The following HSF5 variants were observed in gnomAD, a reference collection of about 807,000 sequenced individuals.
The protein encoded by HSF5 is heat shock factor protein 5.
In HSF5, 5 loss-of-function variants were observed where a neutral mutation model predicts 50.8. That is an observed-to-expected ratio of 0.10 (90% CI 0.05 to 0.21). HSF5 has a LOEUF of 0.21. HSF5 is among the 10% of genes least tolerant of loss of function. The pLI is 1.00. For missense variants in HSF5, 564 were observed against 762.6 expected (o/e 0.74, Z 3.07); for synonymous variants, 307 against 307.4 (o/e 1.00, Z 0.02).
intron 2 of HSF5, among the ~76,000 whole-genome samples, chr17:58,477,915 A>G (rs945712020): frequency 2.6e-5 from 4 of 152,038 alleles, no homozygotes; most frequent in Non-Finnish European, 5.9e-5. Context: ...CCAGATTTAC[A>G]TAACTGAAAA....
At chr17:58,427,407 T>C (rs1974309853) in intron 5 of HSF5, among the ~76,000 whole-genome samples, 1 of 152,236 alleles carries the variant, frequency 6.6e-6, no homozygotes, top group Non-Finnish European at 1.5e-5. Flanking sequence ...TTCTGCAATA[T>C]AAGATGCTCC....
chr17:58,476,437 C>G, intron 2 of HSF5: 1 of 1,063,604 alleles, frequency 9.4e-7, no homozygotes, highest in Non-Finnish European at 1.5e-6. Context: ...CTGAGTTTAA[C>G]TTGAACGCTT....
intron 5 of HSF5, among the ~76,000 whole-genome samples, chr17:58,426,845 A>G (rs1027925566): frequency 2.0e-5 from 3 of 152,230 alleles, no homozygotes; most frequent in African/African-American, 2.4e-5. Flanking sequence ...TGTACTCAAA[A>G]GAGCTACACA....
intron 2 of HSF5, chr17:58,476,703 C>A: frequency 1.3e-6 from 2 of 1,587,918 alleles, no homozygotes; most frequent in South Asian, 1.1e-5. Context: ...ATGTTGTTAT[C>A]CAAAAATGTG....
chr17:58,436,009 G>A (rs1598182446), intron 5 of HSF5, among the ~76,000 whole-genome samples: 1 of 151,326 alleles, frequency 6.6e-6, no homozygotes, highest in Non-Finnish European at 1.5e-5. Context: ...CCAGTTCTAT[G>A]ATTTATATCA....
intron 5 of HSF5, among the ~76,000 whole-genome samples, chr17:58,426,451 T>G (rs1974297509): frequency 6.6e-6 from 1 of 152,164 alleles, no homozygotes; most frequent in South Asian, 2.1e-4. Context: ...AGAAGATAAG[T>G]ATTTGGGAAT....
chr17:58,460,098 G>C (rs1304614306), intron 4 of HSF5, among the ~76,000 whole-genome samples: 2 of 151,460 alleles, frequency 1.3e-5, no homozygotes, highest in African/African-American at 4.9e-5. Context: ...GCTCACTACA[G>C]CCTTGACCTC....
rs1415839098 is a variant in HSF5 at position 58,421,595 on chromosome 17, TTAAA to T, written c.*761_*764del. On this transcript the variant is annotated 3_prime_UTR_variant, in exon 6 of 6. Transcript: ENST00000323777. ...TATAAATACAATTATATTAAACAAG[TTAAA>T]TACTTTCTTTAAAGACATTTAAATA... 1 of 152,244 alleles carries T rather than the reference TTAAA, an allele frequency of 6.6e-6. No homozygotes were observed. The highest frequency in any genetic ancestry group is 6.5e-5 in the Admixed American group (1 of 15,282). The allele number at this position is 152,244 out of a possible 1,614,324, so 9.4% of individuals were successfully genotyped here.
chr17:58,448,550 A>T (rs1238125697), intron 5 of HSF5, among the ~76,000 whole-genome samples: 4 of 152,190 alleles, frequency 2.6e-5, no homozygotes, highest in South Asian at 4.1e-4. Context: ...CTCAGCAGAA[A>T]CCTTACAGGC....
chr17:58,435,573 T>G (rs1258507225), intron 5 of HSF5, among the ~76,000 whole-genome samples: 1 of 149,750 alleles, frequency 6.7e-6, no homozygotes, highest in Non-Finnish European at 1.5e-5. Context: ...AATAAATAAA[T>G]AGAGACTAGC....
intron 5 of HSF5, among the ~76,000 whole-genome samples, chr17:58,454,688 A>G (rs1974686356): frequency 6.6e-6 from 1 of 152,238 alleles, no homozygotes; most frequent in South Asian, 2.1e-4. Context: ...CTATATGCCA[A>G]TAGTAAACTA....
chr17:58,447,875 C>T lies in HSF5; in HGVS notation c.1720+10893G>A, dbSNP rs141175612. Among the ~76,000 whole-genome samples, 10 of 152,226 alleles carry T rather than the reference C, an allele frequency of 6.6e-5. No homozygotes were observed. The East Asian group carries it at 1.5e-3, about 23-fold the overall frequency. ...CTAATATCAAGAACATTCATCTGGG[C>T]GCAGTGGCTCATGCCTGTAATCCCA... On this transcript the variant is annotated intron_variant, in intron 5 of 5. Transcript: ENST00000323777.
chr17:58,469,038 T>C (rs1464110777), intron 2 of HSF5, among the ~76,000 whole-genome samples: 2 of 151,160 alleles, frequency 1.3e-5, no homozygotes, highest in South Asian at 2.1e-4. Context: ...AGGAAATAAA[T>C]TGAATCCAAA....
chr17:58,459,839 G>A (rs188180675), intron 4 of HSF5, among the ~76,000 whole-genome samples: 29 of 152,016 alleles, frequency 1.9e-4, no homozygotes, highest in African/African-American at 7.0e-4. Context: ...TTTCTCTGTA[G>A]AATATGTTCT....
At chr17:58,444,117 T>C (rs964922453) in intron 5 of HSF5, among the ~76,000 whole-genome samples, 31 of 152,228 alleles carry the variant, frequency 2.0e-4, no homozygotes, top group Non-Finnish European at 3.2e-4. Flanking sequence ...TCCATGTTCA[T>C]GGACTGGAAA....
chr17:58,447,727 ACAGGCAGTC>A (rs1431057848), intron 5 of HSF5, among the ~76,000 whole-genome samples: 2 of 152,090 alleles, frequency 1.3e-5, no homozygotes, highest in Admixed American at 1.3e-4. Context: ...AGGGAACTCA[ACAGGCAGTC>A]CTCTTTGAAT....
At chr17:58,476,975 G>C (rs568329244) in intron 2 of HSF5, 1 of 619,064 alleles carries the variant, frequency 1.6e-6, no homozygotes, top group South Asian at 1.9e-5. Flanking sequence ...AGACGGGGGC[G>C]GGGGAAGGGA....
At chr17:58,455,796 C>A (rs1250748632) in intron 5 of HSF5, among the ~76,000 whole-genome samples, 2 of 152,018 alleles carry the variant, frequency 1.3e-5, no homozygotes, top group Non-Finnish European at 2.9e-5. Context: ...CACCTCACCC[C>A]AGTTAAAATG....
chr17:58,439,892 GA>G (rs536219794), intron 5 of HSF5, among the ~76,000 whole-genome samples: 1 of 149,618 alleles, frequency 6.7e-6, no homozygotes, highest in Non-Finnish European at 1.5e-5. Flanking sequence ...AAAATTGAAA[GA>G]AAAAAACAGA....
Sources: gnomAD v4.1 joint callset for allele counts (sites outside exome capture counted in the v4.1 genomes callset) on GRCh38, gnomAD v4.1.1 for gene constraint, MANE v1.5 for transcripts, NCBI Gene and HGNC (gene_info 2026-07-23, HGNC 2026-07-21) for gene names.